EP400: variants seen among roughly 807,000 people sequenced by gnomAD.
The protein encoded by EP400 is E1A-binding protein p400.
EP400 carries 105 observed loss-of-function variants against 354.1 expected under a neutral mutation model. The observed-to-expected ratio is 0.30, with a 90% CI of 0.25 to 0.35. EP400 has a LOEUF of 0.35. Among genes scored for constraint, EP400 ranks in the 10% least tolerant of loss-of-function variants. The pLI is 1.00. For missense variants in EP400, 3,280 were observed against 4,121.0 expected (o/e 0.80, Z 5.59); for synonymous variants, 1,646 against 1,716.9 (o/e 0.96, Z 1.02).
At chr12:132,043,174 G>A (rs2061690182) in intron 32 of EP400, 130 bp from the exon 33 acceptor site, 3 of 960,880 alleles carry the variant, frequency 3.1e-6, no homozygotes, top group African/African-American at 3.4e-5. Context: ...GGGAAGGAGT[G>A]GATTACCTTT....
At chr12:132,015,003 C>T (rs1394922478) in intron 19 of EP400, among the ~76,000 whole-genome samples, 1 of 152,174 alleles carries the variant, frequency 6.6e-6, no homozygotes, top group Non-Finnish European at 1.5e-5. Context: ...TCTGGGTCTC[C>T]CTCTCTGTGC....
rs1761268217 is a variant in EP400 at position 132,028,141 on chromosome 12, G to T, written c.5234G>T (p.Gly1745Val). 2 of 1,614,208 alleles carry T rather than the reference G, an allele frequency of 1.2e-6. No homozygotes were observed. The highest frequency in any genetic ancestry group is 2.7e-5 in the African/African-American group (2 of 75,048). Residue 1745 changes from glycine to valine, a missense_variant, in exon 27 of 53, where the codon GGA (glycine) becomes GTA (valine). By Grantham distance (109) the Gly-to-Val change is moderately radical (BLOSUM62 -3). Coordinates refer to ENST00000389561, the MANE Select transcript of EP400 (RefSeq NM_015409.5). ...AGGATTTGTGCCCTGCCTAGCCATG[G>T]AAGGGTACAGTGGCGTGGGTCCCTG... ...LLRICALPSH[G>V]RVQWRGSLDG...
chr12:132,038,192 CT>C lies in EP400; in HGVS notation c.6207+98del. The C allele has an allele frequency of 6.7e-7, 1 of 1,488,474 alleles. No individual in the cohort carries two copies. The highest frequency in any genetic ancestry group is 9.1e-7 in the Non-Finnish European group (1 of 1,094,416). The allele number at this position is 1,488,474 out of a possible 1,614,324, so 92.2% of individuals were successfully genotyped here. Reference sequence around the variant, plus strand: ...GGGTTCTGGGTGCTCAGTCCCCACTCTTCCCTGGCCTGAAGCCCTCTTCCCG... The same window carrying C: ...GGGTTCTGGGTGCTCAGTCCCCACTCTCCCTGGCCTGAAGCCCTCTTCCCG... On this transcript the variant is annotated intron_variant, in intron 32 of 52. Coordinates refer to ENST00000389561, the MANE Select transcript of EP400 (RefSeq NM_015409.5). This position sits in a 1 kb window ranked among gnomAD's most constrained non-coding sequence, Gnocchi z 4.2.
Position 132,062,596 on chromosome 12 carries a change from G to GCAGCAGCAACAT in EP400, c.8237_8238insACATCAGCAGCA (p.Gln2746_Gln2747insHisGlnGlnGln). The GCAGCAGCAACAT allele has an allele frequency of 1.3e-6, 2 of 1,482,246 alleles. No individual in the cohort carries two copies. The highest frequency in any genetic ancestry group is 1.9e-6 in the Non-Finnish European group (2 of 1,075,532). 91.8% of individuals were successfully genotyped at this position (1,482,246 alleles called of 1,614,324 possible). On this transcript the variant is annotated inframe_insertion, in exon 47 of 53. Transcript: ENST00000389561. Reference sequence around the variant, plus strand: ...AGCAGCAGCAGCAGCAGCAGCAACAGCAGCAGCAGCAACAGACGACGACGA... The same window carrying GCAGCAGCAACAT: ...AGCAGCAGCAGCAGCAGCAGCAACAGCAGCAGCAACATCAGCAGCAGCAACAGACGACGACGA...
chr12:132,021,935 G>A (rs1233679661), intron 23 of EP400, among the ~76,000 whole-genome samples: 1 of 152,154 alleles, frequency 6.6e-6, no homozygotes, highest in Non-Finnish European at 1.5e-5. Context: ...TATTCATTCT[G>A]TGGTGGAAAT....
rs988265373 is a variant in EP400, at chr12:132,067,119, C to T, written c.8749+150C>T. 32 of 1,179,622 alleles carry T rather than the reference C, an allele frequency of 2.7e-5. No individual in the cohort carries two copies. Among genetic ancestry groups the T allele is most frequent in the South Asian group, 9.9e-5 (6 of 60,806 alleles). 73.1% of individuals were successfully genotyped at this position (1,179,622 alleles called of 1,614,324 possible). A position where few individuals can be genotyped will look rare whatever the true frequency, so the allele number is the denominator to read the frequency against. On this transcript the variant is annotated intron_variant, in intron 49 of 52. Coordinates refer to ENST00000389561, the MANE Select transcript of EP400 (RefSeq NM_015409.5). This position sits in a 1 kb window ranked among gnomAD's most constrained non-coding sequence, Gnocchi z 5.3. ...GTGTTCTAGCACAAACGTGCCTTGG[C>T]GCTTTCCAGGCGCAAGGCTGGGTCC...
intron 2 of EP400, chr12:131,963,465 T>C: frequency 8.2e-7 from 1 of 1,226,496 alleles, no homozygotes; most frequent in Non-Finnish European, 1.2e-6. Flanking sequence ...AGCAATAAAA[T>C]TCTAACAAAA....
Position 132,045,909 on chromosome 12 carries a change from G to A in EP400, c.7200+9G>A, listed in dbSNP as rs755975474. The A allele has an allele frequency of 3.0e-5, 49 of 1,613,798 alleles. No individual in the cohort carries two copies. The highest frequency in any genetic ancestry group is 1.2e-4 in the South Asian group (11 of 91,018). ...CACGAGAGGAGGGGAAGGTAAGCACGGTCTCGTTTGTCCTTCGAGGAGAGC... is the reference window on the plus strand; with the variant it reads ...CACGAGAGGAGGGGAAGGTAAGCACAGTCTCGTTTGTCCTTCGAGGAGAGC... On this transcript the variant is annotated intron_variant, in intron 39 of 52. Transcript: ENST00000389561.
chr12:131,971,592 C>T (rs1395906737), intron 2 of EP400, among the ~76,000 whole-genome samples: 2 of 152,162 alleles, frequency 1.3e-5, no homozygotes, highest in Non-Finnish European at 2.9e-5. Context: ...AGTTTACATT[C>T]TCACCAACAG....
chr12:132,023,683 A>C, intron 23 of EP400, 94 bp from the exon 24 acceptor site: 3 of 1,203,386 alleles, frequency 2.5e-6, no homozygotes, highest in Non-Finnish European at 3.5e-6. Flanking sequence ...TTTATGATAG[A>C]TGGTCATTAT....
At position 131,990,571 on chromosome 12, in the gene EP400, T is replaced by C; in HGVS notation, c.2551-65T>C. 8.2e-7 allele frequency: 1 copy of C among 1,220,254 alleles called. No homozygotes were observed. Among genetic ancestry groups the C allele is most frequent in the South Asian group, 1.3e-5 (1 of 75,226 alleles). 75.6% of individuals were successfully genotyped at this position (1,220,254 alleles called of 1,614,324 possible). ...TCTGCTTATGTGCTTTAGTGTTTTGTATGCAGAACGTCTGTAATTCCCATC... is the reference window on the plus strand; with the variant it reads ...TCTGCTTATGTGCTTTAGTGTTTTGCATGCAGAACGTCTGTAATTCCCATC... On this transcript the variant is annotated intron_variant, in intron 8 of 52. Transcript: ENST00000389561. This position sits in a 1 kb window ranked among gnomAD's most constrained non-coding sequence, Gnocchi z 4.2.
At chr12:132,031,112 T>G in intron 29 of EP400, 1 of 430,324 alleles carries the variant, frequency 2.3e-6, no homozygotes, top group South Asian at 1.8e-5. Context: ...GGTCAGTGAT[T>G]AGGTTTCGTT....
At chr12:132,035,138 C>G (rs116859394) in intron 30 of EP400, among the ~76,000 whole-genome samples, 1 of 152,100 alleles carries the variant, frequency 6.6e-6, no homozygotes, top group African/African-American at 2.4e-5. Flanking sequence ...TGTGAGAGGC[C>G]GCTCCAGCTC....
chr12:131,988,676 G>A (rs1168500668), intron 7 of EP400, among the ~76,000 whole-genome samples: 4 of 152,230 alleles, frequency 2.6e-5, no homozygotes, highest in Non-Finnish European at 5.9e-5. Flanking sequence ...AGAACAAGTG[G>A]TAGATTTCTA....
At chr12:132,023,700 G>T in intron 23 of EP400, 77 bp from the exon 24 acceptor site, 1 of 1,483,182 alleles carries the variant, frequency 6.7e-7, no homozygotes. Flanking sequence ...TTATATACAA[G>T]AAACGACTGT....
chr12:131,968,782 T>G (rs1186808414), intron 2 of EP400, among the ~76,000 whole-genome samples: 1 of 152,226 alleles, frequency 6.6e-6, no homozygotes, highest in African/African-American at 2.4e-5. Flanking sequence ...TACCATATAT[T>G]TTCTTAGGTT....
intron 1 of EP400, among the ~76,000 whole-genome samples, chr12:131,950,253 C>T (rs1000475963): frequency 2.0e-4 from 30 of 152,018 alleles, no homozygotes; most frequent in African/African-American, 6.5e-4. Context: ...CGAGTCGTAG[C>T]GCCCGTCCCC....
At chr12:132,044,075 A>G (rs1593369606) in intron 34 of EP400, 102 bp from the exon 35 acceptor site, 1 of 1,501,232 alleles carries the variant, frequency 6.7e-7, no homozygotes, top group East Asian at 2.3e-5. Flanking sequence ...GTGTGTAGAG[A>G]ACATGTGGCT....
chr12:132,006,026 A>G (rs749053934), intron 13 of EP400, 86 bp from the exon 14 acceptor site: 2 of 1,334,390 alleles, frequency 1.5e-6, no homozygotes, highest in Non-Finnish European at 2.0e-6. Context: ...GTTGGATTCT[A>G]TAAACTTTTT....
Sources: gnomAD v4.1 joint callset for allele counts (sites outside exome capture counted in the v4.1 genomes callset) on GRCh38, gnomAD v4.1.1 for gene constraint, Gnocchi (gnomAD v3.1) non-coding constraint, MANE v1.5 for transcripts, NCBI Gene and HGNC (gene_info 2026-07-23, HGNC 2026-07-21) for gene names.